MAD1L1: variants seen among roughly 807,000 people sequenced by gnomAD.
MAD1L1 encodes mitotic spindle assembly checkpoint protein MAD1.
In MAD1L1, 95 loss-of-function variants were observed where a neutral mutation model predicts 96.9. The observed-to-expected ratio is 0.98, with a 90% CI of 0.83 to 1.16. MAD1L1 has a LOEUF of 1.16. MAD1L1 is among the 50% of genes most tolerant of loss of function. The pLI is 0.00. For synonymous variants in MAD1L1, 473 were observed against 396.6 expected (o/e 1.19, Z -2.29); for missense variants, 1,007 against 954.4 (o/e 1.06, Z -0.73).
intron 11 of MAD1L1, among the ~76,000 whole-genome samples, chr7:2,110,416 C>T (rs1562696514): frequency 6.6e-6 from 1 of 152,190 alleles, no homozygotes. Flanking sequence ...GAAATCAGAC[C>T]CCGCAGGGCT....
At chr7:1,870,030 G>A (rs980736088) in intron 18 of MAD1L1, among the ~76,000 whole-genome samples, 3 of 152,198 alleles carry the variant, frequency 2.0e-5, no homozygotes, top group Admixed American at 6.5e-5. Context: ...ATTGGTAGGT[G>A]AGGTGTGGGA....
At chr7:1,955,752 T>C (rs1341291292) in intron 16 of MAD1L1, among the ~76,000 whole-genome samples, 4 of 152,112 alleles carry the variant, frequency 2.6e-5, no homozygotes, top group African/African-American at 9.7e-5. Flanking sequence ...TGTTGCCTAC[T>C]GGTTGTTGGG....
intron 18 of MAD1L1, among the ~76,000 whole-genome samples, chr7:1,869,418 TC>T (rs1329137723): frequency 6.6e-6 from 1 of 151,938 alleles, no homozygotes; most frequent in Non-Finnish European, 1.5e-5. Context: ...TCCCCAGGTT[TC>T]CTTAAATCCC....
At chr7:1,876,959 T>A (rs1464439835) in intron 18 of MAD1L1, among the ~76,000 whole-genome samples, 2 of 129,784 alleles carry the variant, frequency 1.5e-5, no homozygotes, top group Admixed American at 8.8e-5. Context: ...AAGCAGTAAA[T>A]ATGTGAATAC....
At chr7:2,102,167 C>T (rs1415851218) in intron 11 of MAD1L1, among the ~76,000 whole-genome samples, 1 of 151,910 alleles carries the variant, frequency 6.6e-6, no homozygotes, top group Non-Finnish European at 1.5e-5. Context: ...TCATCACCAA[C>T]ACTGCCACTG....
intron 14 of MAD1L1, among the ~76,000 whole-genome samples, chr7:1,983,141 C>T (rs1277381999): frequency 4.3e-4 from 7 of 16,372 alleles, no homozygotes; most frequent in African/African-American, 4.3e-4. Flanking sequence ...GACGCGCGCG[C>T]GCGCGCGCGC....
chr7:2,219,578 A>G (rs1249846535), intron 5 of MAD1L1, 122 bp from the exon 6 acceptor site: 1 of 898,700 alleles, frequency 1.1e-6, no homozygotes, highest in Non-Finnish European at 1.6e-6. Flanking sequence ...TCAGGGCAGG[A>G]GGCAGAGGGG....
chr7:1,875,227 G>A (rs774873036), intron 18 of MAD1L1, among the ~76,000 whole-genome samples: 28 of 152,278 alleles, frequency 1.8e-4, no homozygotes, highest in East Asian at 1.2e-3. Context: ...TGCCCTGCCC[G>A]CCCCCACGGC....
At chr7:2,213,947 A>G (rs1177829278) in intron 9 of MAD1L1, among the ~76,000 whole-genome samples, 1 of 152,240 alleles carries the variant, frequency 6.6e-6, no homozygotes, top group African/African-American at 2.4e-5. Flanking sequence ...ACCTCCACCC[A>G]GTGCCAAGCA....
intron 10 of MAD1L1, among the ~76,000 whole-genome samples, 192 bp from the exon 11 acceptor site, chr7:2,149,430 CT>C (rs1429115943): frequency 6.6e-6 from 1 of 152,200 alleles, no homozygotes; most frequent in Non-Finnish European, 1.5e-5. Flanking sequence ...GCCCCCACCC[CT>C]ATGCAACACC....
intron 11 of MAD1L1, among the ~76,000 whole-genome samples, chr7:2,138,070 A>G (rs769231918): frequency 5.3e-5 from 8 of 152,250 alleles, no homozygotes; most frequent in Non-Finnish European, 1.2e-4. Context: ...TGTGAGTCCC[A>G]GGCCCTTCAC....
chr7:2,080,000 C>A, intron 11 of MAD1L1: 1 of 311,780 alleles, frequency 3.2e-6, no homozygotes, highest in Non-Finnish European at 6.2e-6. Flanking sequence ...GAGAAGGAGA[C>A]CATCCGTGCG....
chr7:2,201,663 A>G (rs1355651199), intron 10 of MAD1L1, among the ~76,000 whole-genome samples: 1 of 152,228 alleles, frequency 6.6e-6, no homozygotes. Context: ...AAGAGCTCCG[A>G]GACCAAGTGA....
At chr7:2,224,933 T>G (rs527443479) in intron 4 of MAD1L1, among the ~76,000 whole-genome samples, 1 of 152,126 alleles carries the variant, frequency 6.6e-6, no homozygotes, top group Non-Finnish European at 1.5e-5. Flanking sequence ...CATGACCTCC[T>G]AAGCCTGTCA....
intron 11 of MAD1L1, among the ~76,000 whole-genome samples, chr7:2,072,770 A>G (rs68182881): frequency 0.14 from 21,383 of 152,252 alleles, 3,456 homozygotes; most frequent in African/African-American, 0.39. Context: ...AGAGAAGGGT[A>G]AGGGGCTGCG....
chr7:1,837,218 C>T (rs1456294952), intron 18 of MAD1L1, among the ~76,000 whole-genome samples: 1 of 152,178 alleles, frequency 6.6e-6, no homozygotes, highest in Non-Finnish European at 1.5e-5. Flanking sequence ...CAGTGTCATT[C>T]GTCATGAGGA....
At chr7:1,832,630 T>TTTGGGGGGGGGGGGG (rs56664541) in intron 18 of MAD1L1, among the ~76,000 whole-genome samples, 2 of 2,350 alleles carry the variant, frequency 8.5e-4, no homozygotes, top group Non-Finnish European at 1.7e-3. Context: ...TTTTTTTTTT[T>TTTGGGGGGGGGGGGG]GGCGGGGGGG....
intron 10 of MAD1L1, among the ~76,000 whole-genome samples, chr7:2,156,821 CAAAA>C (rs796679600): frequency 2.2e-5 from 2 of 91,542 alleles, no homozygotes; most frequent in Non-Finnish European, 4.8e-5. Context: ...GACTCCATCT[CAAAA>C]AAAAAAAAAA....
Position 2,097,589 on chromosome 7 carries a change from C to T in MAD1L1, c.1074-28251G>A, listed in dbSNP as rs1786558659. 2.6e-5 allele frequency among the ~76,000 whole-genome samples: 4 copies of T among 152,320 alleles called. No individual in the cohort carries two copies. In the South Asian group the frequency reaches 6.2e-4, roughly 24 times the overall value. On this transcript the variant is annotated intron_variant, in intron 11 of 18. Transcript: ENST00000265854. ...AAAGTGCTTCTCACACCTAGAGAAG[C>T]TATGAGGGTGAGAACCCAGGCAGCA...
Sources: gnomAD v4.1 joint callset for allele counts (sites outside exome capture counted in the v4.1 genomes callset) on GRCh38, gnomAD v4.1.1 for gene constraint, MANE v1.5 for transcripts, NCBI Gene and HGNC (gene_info 2026-07-23, HGNC 2026-07-21) for gene names.